Variants in AGPAT4 observed in about 807,000 individuals in gnomAD.
The protein encoded by AGPAT4 is 1-acyl-sn-glycerol-3-phosphate acyltransferase delta.
In AGPAT4, 15 loss-of-function variants were observed where a neutral mutation model predicts 48.0. The ratio of observed to expected loss-of-function variants is 0.31; its 90% CI spans 0.21 to 0.48. The LOEUF is 0.48. AGPAT4 is among the 20% of genes least tolerant of loss of function. The pLI is 0.99. For synonymous variants in AGPAT4, 178 were observed against 198.7 expected (o/e 0.90, Z 0.88); for missense variants, 314 against 482.5 (o/e 0.65, Z 3.27).
In AGPAT4 at chr6:161,231,919, CA is replaced by C. The variant is rs1165939668; in HGVS notation, c.178+116del. On this transcript the variant is annotated intron_variant, in intron 2 of 8. Coordinates refer to ENST00000320285, the MANE Select transcript of AGPAT4 (RefSeq NM_020133.3). The surrounding 1 kb of genome is among the most constrained non-coding windows in gnomAD (Gnocchi z 5.3). ...AGCCATTTCAAACCTAAAACAAAAA[CA>C]AAACAAAAAAACAGCTCGGCACACA... 2.7e-5 allele frequency: 29 copies of C among 1,079,834 alleles called. No homozygotes were observed. The highest frequency in any genetic ancestry group is 3.5e-5 in the Non-Finnish European group (28 of 793,952). The allele number at this position is 1,079,834 out of a possible 1,614,324, so 66.9% of individuals were successfully genotyped here. A position where few individuals can be genotyped will look rare whatever the true frequency, so the allele number is the denominator to read the frequency against.
rs751810455 is a variant in AGPAT4 at position 161,148,549 on chromosome 6, A to G, written c.767+638T>C. ...GATTCTCTTGATTAGCATTCAGAGA[A>G]GATGATCCACAGCACAACAAACCAA... On this transcript the variant is annotated intron_variant, in intron 6 of 8. Transcript: ENST00000320285. The surrounding 1 kb of genome is among the most constrained non-coding windows in gnomAD (Gnocchi z 5.5). 2.0e-5 allele frequency among the ~76,000 whole-genome samples: 3 copies of G among 152,190 alleles called. No individual in the cohort carries two copies. The highest frequency in any genetic ancestry group is 4.4e-5 in the Non-Finnish European group (3 of 68,038).
rs1783264053 is a variant in AGPAT4, at chr6:161,266,324, T to A, written c.-90+7614A>T. ...GATGAGGCAACCCTGATGACCTGACTTCTTGTGCCCATCTCTTCTCTAGGC... is the reference window on the plus strand; with the variant it reads ...GATGAGGCAACCCTGATGACCTGACATCTTGTGCCCATCTCTTCTCTAGGC... On this transcript the variant is annotated intron_variant, in intron 1 of 8. Transcript: ENST00000320285. The surrounding 1 kb of genome is among the most constrained non-coding windows in gnomAD (Gnocchi z 6.2). Among the ~76,000 whole-genome samples the A allele has an allele frequency of 6.6e-6, 1 of 152,242 alleles. No individual in the cohort carries two copies. The highest frequency in any genetic ancestry group is 1.5e-5 in the Non-Finnish European group (1 of 68,048).
In AGPAT4 at chr6:161,178,568, C is replaced by T. The variant is rs929462059; in HGVS notation, c.179-12151G>A. ...GGCTAGGAAAGGGAATTCCCGGACC[C>T]CTGCACTTCCCGGGTGAGGCGATGC... On this transcript the variant is annotated intron_variant, in intron 2 of 8. Transcript: ENST00000320285. The surrounding 1 kb of genome is among the most constrained non-coding windows in gnomAD (Gnocchi z 5.1). Among the ~76,000 whole-genome samples the T allele has an allele frequency of 6.6e-6, 1 of 152,172 alleles. No individual in the cohort carries two copies. Among genetic ancestry groups the T allele is most frequent in the African/African-American group, 2.4e-5 (1 of 41,440 alleles).
rs557925690 is a variant in AGPAT4, at chr6:161,267,761, T to C, written c.-90+6177A>G. On this transcript the variant is annotated intron_variant, in intron 1 of 8. Transcript: ENST00000320285. The surrounding 1 kb of genome is among the most constrained non-coding windows in gnomAD (Gnocchi z 5.2). ...AAAGAAAAATATTAGCTGGGCATGT[T>C]AGTACACACCTGTAGTCCCAGCTAC... Among the ~76,000 whole-genome samples the C allele has an allele frequency of 6.6e-6, 1 of 151,024 alleles. No individual in the cohort carries two copies. Among genetic ancestry groups the C allele is most frequent in the East Asian group, 1.9e-4 (1 of 5,152 alleles).
Position 161,144,798 on chromosome 6 carries a change from G to A in AGPAT4, c.843+1726C>T, listed in dbSNP as rs1265077502. On this transcript the variant is annotated intron_variant, in intron 7 of 8. Transcript: ENST00000320285. The surrounding 1 kb of genome is among the most constrained non-coding windows in gnomAD (Gnocchi z 6.6). Reference sequence around the variant, plus strand: ...GATCGAGACCATCCTGGCAAACACGGTGAAACCCCGTCTCTACTAAACATA... The same window carrying A: ...GATCGAGACCATCCTGGCAAACACGATGAAACCCCGTCTCTACTAAACATA... Among the ~76,000 whole-genome samples the A allele has an allele frequency of 1.3e-5, 2 of 152,062 alleles. No individual in the cohort carries two copies. Among genetic ancestry groups the A allele is most frequent in the African/African-American group, 4.8e-5 (2 of 41,398 alleles).
In AGPAT4 at chr6:161,235,282, G is replaced by A. The variant is rs367850503; in HGVS notation, c.-89-2980C>T. Among the ~76,000 whole-genome samples, 8 of 152,214 alleles carry A rather than the reference G, an allele frequency of 5.3e-5. No individual in the cohort carries two copies. The East Asian group carries it at 5.8e-4, about 11-fold the overall frequency. On this transcript the variant is annotated intron_variant, in intron 1 of 8. Transcript: ENST00000320285. This position sits in a 1 kb window ranked among gnomAD's most constrained non-coding sequence, Gnocchi z 6.2. Reference sequence around the variant, plus strand: ...AGGGAGGCTATTGCTTTTTAATTTCGTGAAACTTAGGCGGATTCTCAAATT... The same window carrying A: ...AGGGAGGCTATTGCTTTTTAATTTCATGAAACTTAGGCGGATTCTCAAATT...
chr6:161,197,988 G>A lies in AGPAT4; in HGVS notation c.179-31571C>T, dbSNP rs372968730. 4.6e-5 allele frequency among the ~76,000 whole-genome samples: 7 copies of A among 152,080 alleles called. No individual in the cohort carries two copies. The highest frequency in any genetic ancestry group is 3.9e-4 in the East Asian group (2 of 5,182). On this transcript the variant is annotated intron_variant, in intron 2 of 8. Coordinates refer to ENST00000320285, the MANE Select transcript of AGPAT4 (RefSeq NM_020133.3). The surrounding 1 kb of genome is among the most constrained non-coding windows in gnomAD (Gnocchi z 5.7). Reference sequence around the variant, plus strand: ...TTTTAATAAGTTCCCTTTTTGATACGATGCATTTTCTATTTCTGTTTCCCC... The same window carrying A: ...TTTTAATAAGTTCCCTTTTTGATACAATGCATTTTCTATTTCTGTTTCCCC...
Position 161,226,696 on chromosome 6 carries a change from C to G in AGPAT4, c.178+5340G>C, listed in dbSNP as rs1468446911. On this transcript the variant is annotated intron_variant, in intron 2 of 8. Transcript: ENST00000320285. The surrounding 1 kb of genome is among the most constrained non-coding windows in gnomAD (Gnocchi z 6.3). ...AAAATTTTAACACATAGAATGAAAG[C>G]AGATGATAGCACATTGATGTGGCCA... Among the ~76,000 whole-genome samples, 1 of 152,226 alleles carries G rather than the reference C, an allele frequency of 6.6e-6. No homozygotes were observed. Among genetic ancestry groups the G allele is most frequent in the Non-Finnish European group, 1.5e-5 (1 of 68,052 alleles).
chr6:161,273,795 C>G (rs1289704479), intron 1 of AGPAT4, 143 bp downstream of exon 1: 1 of 76,076 alleles, frequency 1.3e-5, no homozygotes, highest in Non-Finnish European at 2.6e-5. Context: ...GCCTTGCACT[C>G]CCCCCCCGCC....
rs1357032262 is a variant in AGPAT4, at chr6:161,171,394, G to A, written c.179-4977C>T. On this transcript the variant is annotated intron_variant, in intron 2 of 8. Transcript: ENST00000320285. This position sits in a 1 kb window ranked among gnomAD's most constrained non-coding sequence, Gnocchi z 4.4. Reference sequence around the variant, plus strand: ...TGCATCTGGCAAGGTCCTTCTTGCTGTGTCATCCCATAGGGGAAGGCAGAA... The same window carrying A: ...TGCATCTGGCAAGGTCCTTCTTGCTATGTCATCCCATAGGGGAAGGCAGAA... Among the ~76,000 whole-genome samples the A allele has an allele frequency of 2.0e-5, 3 of 152,328 alleles. No homozygotes were observed. The highest frequency in any genetic ancestry group is 4.4e-5 in the Non-Finnish European group (3 of 68,028).
Position 161,142,774 on chromosome 6 carries a change from G to A in AGPAT4, c.844-3154C>T, listed in dbSNP as rs151096440. 2.6e-5 allele frequency among the ~76,000 whole-genome samples: 4 copies of A among 152,258 alleles called. No homozygotes were observed. The East Asian group carries it at 5.8e-4, about 22-fold the overall frequency. ...GGCGGGGAGAGGCTCTGTGAGAAGC[G>A]CTCGCAAGCCTTGGTCTCAGCCCGC... On this transcript the variant is annotated intron_variant, in intron 7 of 8. Transcript: ENST00000320285. This position sits in a 1 kb window ranked among gnomAD's most constrained non-coding sequence, Gnocchi z 6.4.
chr6:161,215,328 C>T lies in AGPAT4; in HGVS notation c.178+16708G>A, dbSNP rs1002433811. 1.3e-5 allele frequency among the ~76,000 whole-genome samples: 2 copies of T among 152,316 alleles called. No individual in the cohort carries two copies. The highest frequency in any genetic ancestry group is 2.9e-5 in the Non-Finnish European group (2 of 68,034). ...GGTTGAAAATGTTTACACATCCCAG[C>T]GGACATATTTGTGCTGAATCTCAAG... is the stretch of plus-strand genomic sequence containing the variant. On this transcript the variant is annotated intron_variant, in intron 2 of 8. Transcript: ENST00000320285. This position sits in a 1 kb window ranked among gnomAD's most constrained non-coding sequence, Gnocchi z 4.5.
At position 161,131,151 on chromosome 6, in the gene AGPAT4, T is replaced by C. The variant is rs1778888334; in HGVS notation, c.*5389A>G. 3.4e-6 allele frequency: 1 copy of C among 290,828 alleles called. No homozygotes were observed. Among genetic ancestry groups the C allele is most frequent in the East Asian group, 8.0e-5 (1 of 12,458 alleles). The allele number at this position is 290,828 out of a possible 1,614,324, so 18.0% of individuals were successfully genotyped here. A position where few individuals can be genotyped will look rare whatever the true frequency, so the allele number is the denominator to read the frequency against. On this transcript the variant is annotated 3_prime_UTR_variant, in exon 9 of 9. Coordinates refer to ENST00000320285, the MANE Select transcript of AGPAT4 (RefSeq NM_020133.3). ...AATATGTAAAACAAGACTGCCTTGT[T>C]TTAAAAAAACAAATTAAATGTAAAA...
chr6:161,192,893 T>C (rs1780965035), intron 2 of AGPAT4, among the ~76,000 whole-genome samples: 1 of 152,230 alleles, frequency 6.6e-6, no homozygotes, highest in African/African-American at 2.4e-5. Flanking sequence ...GGTGTCGCTC[T>C]TTGGAAGGTG....
chr6:161,211,307 T>C (rs1028604723), intron 2 of AGPAT4, among the ~76,000 whole-genome samples: 1 of 152,126 alleles, frequency 6.6e-6, no homozygotes, highest in Non-Finnish European at 1.5e-5. Context: ...TAGAAAACAT[T>C]CTCTCCAAAA....
chr6:161,176,746 TAC>T lies in AGPAT4; in HGVS notation c.179-10331_179-10330del, dbSNP rs537553742. 3.4e-3 allele frequency among the ~76,000 whole-genome samples: 511 copies of T among 152,368 alleles called. 5 individuals are homozygous for T. Among genetic ancestry groups the T allele is most frequent in the African/African-American group, 0.011 (470 of 41,572 alleles). ...GTTTCTTCCTAGGATCGATGGTCTT[TAC>T]AATTTGGCATGTTTTTGTAGTGGCT... On this transcript the variant is annotated intron_variant, in intron 2 of 8. Coordinates refer to ENST00000320285, the MANE Select transcript of AGPAT4 (RefSeq NM_020133.3).
intron 1 of AGPAT4, among the ~76,000 whole-genome samples, chr6:161,248,446 C>T (rs1302608167): frequency 6.6e-6 from 1 of 151,728 alleles, no homozygotes; most frequent in Non-Finnish European, 1.5e-5. Context: ...TGGTGGTGGG[C>T]CCCTGTAGTC....
Position 161,165,881 on chromosome 6 carries a change from G to T in AGPAT4, c.348+367C>A. The T allele has an allele frequency of 1.7e-6, 1 of 594,830 alleles. No homozygotes were observed. Among genetic ancestry groups the T allele is most frequent in the Non-Finnish European group, 3.0e-6 (1 of 334,002 alleles). The allele number at this position is 594,830 out of a possible 1,614,324, so 36.8% of individuals were successfully genotyped here. ...GAGCATGGAATTAAGAAATATGGAT[G>T]GGAGTGAAATCCAAATCTAATTACA... On this transcript the variant is annotated intron_variant, in intron 3 of 8. Coordinates refer to ENST00000320285, the MANE Select transcript of AGPAT4 (RefSeq NM_020133.3). This position sits in a 1 kb window ranked among gnomAD's most constrained non-coding sequence, Gnocchi z 5.5.
At chr6:161,170,473 G>GCGCGCA (rs1194908606) in intron 2 of AGPAT4, among the ~76,000 whole-genome samples, 3 of 32,576 alleles carry the variant, frequency 9.2e-5, no homozygotes, top group Admixed American at 3.9e-4. Flanking sequence ...GTGCGCGCGC[G>GCGCGCA]CACACACACA....
Sources: gnomAD v4.1 joint callset for allele counts (sites outside exome capture counted in the v4.1 genomes callset) on GRCh38, gnomAD v4.1.1 for gene constraint, Gnocchi (gnomAD v3.1) non-coding constraint, MANE v1.5 for transcripts, NCBI Gene and HGNC (gene_info 2026-07-23, HGNC 2026-07-21) for gene names.